Variants in SPTBN1 observed in about 807,000 individuals in gnomAD.
SPTBN1 encodes spectrin beta, non-erythrocytic 1.
Under a neutral mutation model 266.4 loss-of-function variants are expected in SPTBN1, and 32 were observed. The ratio of observed to expected loss-of-function variants is 0.12; its 90% CI spans 0.09 to 0.16. The LOEUF is 0.16. Among genes scored for constraint, SPTBN1 ranks in the 10% least tolerant of loss-of-function variants. The pLI, the probability that SPTBN1 is intolerant of heterozygous loss-of-function variation, is 1.00. For missense variants in SPTBN1, 2,296 were observed against 3,067.1 expected (o/e 0.75, Z 5.94); for synonymous variants, 1,336 against 1,162.2 (o/e 1.15, Z -3.04).
At chr2:54,622,597 C>T (rs1213270740) in intron 9 of SPTBN1, 110 bp downstream of exon 9, 4 of 1,262,880 alleles carry the variant, frequency 3.2e-6, no homozygotes, top group East Asian at 2.4e-5. Flanking sequence ...GAATGCCTTT[C>T]AGTAGTGTGT....
Position 54,477,016 on chromosome 2 carries a change from G to GTT in SPTBN1, c.-48+20507_-48+20508dup, listed in dbSNP as rs11380293. On this transcript the variant is annotated intron_variant, in intron 1 of 35. Transcript: ENST00000356805. Reference sequence around the variant, plus strand: ...TGGACAGATGGTCCAAACACACCGAGTTTTTTTTTTATTGGCTTCAGTGTT... The same window carrying GTT: ...TGGACAGATGGTCCAAACACACCGAGTTTTTTTTTTTTATTGGCTTCAGTGTT... 2.3e-3 allele frequency among the ~76,000 whole-genome samples: 339 copies of GTT among 149,662 alleles called. 3 individuals carry two copies. The highest frequency in any genetic ancestry group is 5.6e-3 in the African/African-American group (228 of 40,880).
At position 54,466,428 on chromosome 2, in the gene SPTBN1, A is replaced by G. The variant is rs940051012; in HGVS notation, c.-48+9910A>G. 3.4e-5 allele frequency among the ~76,000 whole-genome samples: 3 copies of G among 87,330 alleles called. 1 individual carries two copies. The highest frequency in any genetic ancestry group is 3.3e-4 in the South Asian group (1 of 3,074). The allele number at this position is 87,330 out of a possible 152,430, so 57.3% of individuals were successfully genotyped here. A position where few individuals can be genotyped will look rare whatever the true frequency, so the allele number is the denominator to read the frequency against. The stretch of plus-strand genomic sequence containing the variant: ...ATACAAAAAATTAGCCGGGCGTGGT[A>G]GCGGGCGCCTGTAGTCCCAGCTACT... On this transcript the variant is annotated intron_variant, in intron 1 of 35. Transcript: ENST00000356805.
At chr2:54,597,601 A>G (rs1355799834) in intron 2 of SPTBN1, among the ~76,000 whole-genome samples, 1 of 152,106 alleles carries the variant, frequency 6.6e-6, no homozygotes, top group Non-Finnish European at 1.5e-5. Context: ...GCCCCAGCTG[A>G]TTCTCCTGCC....
intron 2 of SPTBN1, among the ~76,000 whole-genome samples, chr2:54,563,140 A>G (rs549754777): frequency 6.6e-6 from 1 of 152,216 alleles, no homozygotes; most frequent in Admixed American, 6.5e-5. Context: ...AGATGTTCAT[A>G]TTTATATATA....
chr2:54,649,655 G>C lies in SPTBN1; in HGVS notation c.5243G>C (p.Gly1748Ala). ...TTCCGGGAGTTTGCCCGAGACACCG[G>C]GAACATTGGGCAGGAGCGCGTGGAC... ...ERFREFARDT[G>A]NIGQERVDTV... The change falls in exon 26 of 36, where the codon GGG becomes GCG. Residue 1748 changes from glycine (G) to alanine (A), a missense_variant. Gly to Ala is a moderately conservative substitution (Grantham distance 60, BLOSUM62 0). Transcript: ENST00000356805. The surrounding 1 kb of genome is among the most constrained non-coding windows in gnomAD (Gnocchi z 6.7). The C allele has an allele frequency of 6.2e-7, 1 of 1,611,814 alleles. No homozygotes were observed. The highest frequency in any genetic ancestry group is 2.2e-5 in the East Asian group (1 of 44,790).
rs190098179 is a variant in SPTBN1, at chr2:54,610,308, C to G, written c.301-1853C>G. The stretch of plus-strand genomic sequence containing the variant: ...CTCCAGCCTTAGATCCTTCACCTTC[C>G]TATGCCTTTAAATTGTCATATGATG... On this transcript the variant is annotated intron_variant, in intron 3 of 35. Transcript: ENST00000356805. Among the ~76,000 whole-genome samples, 4 of 152,350 alleles carry G rather than the reference C, an allele frequency of 2.6e-5. No individual in the cohort carries two copies. In the East Asian group the frequency reaches 5.8e-4, roughly 22 times the overall value.
Position 54,643,168 on chromosome 2 carries a change from A to C in SPTBN1, c.4005+39A>C, listed in dbSNP as rs545478984. On this transcript the variant is annotated intron_variant, in intron 19 of 35. Transcript: ENST00000356805. ...TTTGATGTGGCCATGGTGAGAAAAC[A>C]AACAGGGTAGTAATAAACTCCTTTT... 4.3e-5 allele frequency: 69 copies of C among 1,612,204 alleles called. 1 individual carries two copies. In the Middle Eastern group the frequency reaches 8.3e-4, roughly 19 times the overall value.
At chr2:54,602,909 T>C (rs969212602) in intron 3 of SPTBN1, among the ~76,000 whole-genome samples, 8 of 152,228 alleles carry the variant, frequency 5.3e-5, no homozygotes, top group Non-Finnish European at 1.0e-4. Flanking sequence ...TTTATTGAAA[T>C]AGTGTTTGTG....
intron 2 of SPTBN1, among the ~76,000 whole-genome samples, chr2:54,595,748 C>G (rs1246849779): frequency 1.3e-5 from 2 of 152,146 alleles, no homozygotes; most frequent in African/African-American, 2.4e-5. Context: ...GATTTCTCAA[C>G]CTAGCACCGC....
At chr2:54,463,022 C>G (rs1441412098) in intron 1 of SPTBN1, among the ~76,000 whole-genome samples, 1 of 152,180 alleles carries the variant, frequency 6.6e-6, no homozygotes, top group African/African-American at 2.4e-5. Flanking sequence ...AAACTCATCA[C>G]CTTGGCAGTG....
chr2:54,657,509 A>ACATCAGAT (rs370668449), intron 29 of SPTBN1, among the ~76,000 whole-genome samples: 4 of 152,260 alleles, frequency 2.6e-5, no homozygotes, highest in African/African-American at 9.6e-5. Flanking sequence ...CGTAAAATGC[A>ACATCAGAT]CATCAGATTT....
At chr2:54,657,775 G>A in intron 29 of SPTBN1, 75 bp from the exon 30 acceptor site, 1 of 1,573,622 alleles carries the variant, frequency 6.4e-7, no homozygotes, top group African/African-American at 1.3e-5. Flanking sequence ...GAGGGCAGCA[G>A]TGCCAAGAGG....
intron 18 of SPTBN1, among the ~76,000 whole-genome samples, chr2:54,641,806 A>C (rs745351003): frequency 3.3e-5 from 5 of 152,112 alleles, no homozygotes; most frequent in Non-Finnish European, 5.9e-5. Context: ...CCAAAAAACA[A>C]ATCTCGGGGA....
At chr2:54,572,895 G>T (rs1182417239) in intron 2 of SPTBN1, among the ~76,000 whole-genome samples, 2 of 152,154 alleles carry the variant, frequency 1.3e-5, no homozygotes, top group African/African-American at 4.8e-5. Flanking sequence ...TGAGGGAAGG[G>T]CACTAGAGCA....
Position 54,658,037 on chromosome 2 carries a change from G to A in SPTBN1, c.6234G>A (p.Arg2078=). 1 of 1,614,266 alleles carries A rather than the reference G, an allele frequency of 6.2e-7. No individual in the cohort carries two copies. The highest frequency in any genetic ancestry group is 8.5e-7 in the Non-Finnish European group (1 of 1,180,048). Residue 2078 remains arginine (R), a synonymous_variant, in exon 30 of 36, where the codon AGG becomes AGA. Transcript: ENST00000356805. ...ATGAGAGGTTCTCTGCCCTGGAAAG[G>A]CTGACTACAGTAAGTGGCCGCTGGG... ...TWDERFSALE[R]LTTLELLEVR...
intron 1 of SPTBN1, among the ~76,000 whole-genome samples, chr2:54,468,840 T>C (rs1490869393): frequency 6.6e-6 from 1 of 152,190 alleles, no homozygotes; most frequent in African/African-American, 2.4e-5. Flanking sequence ...TCGGACAACA[T>C]CTGATTTTAC....
intron 3 of SPTBN1, among the ~76,000 whole-genome samples, chr2:54,599,940 T>C (rs1224905465): frequency 6.6e-6 from 1 of 152,210 alleles, no homozygotes; most frequent in African/African-American, 2.4e-5. Flanking sequence ...AGGTTTTGTC[T>C]CACCTTGGTT....
intron 2 of SPTBN1, among the ~76,000 whole-genome samples, chr2:54,585,970 A>T (rs1675263026): frequency 6.6e-6 from 1 of 152,236 alleles, no homozygotes; most frequent in African/African-American, 2.4e-5. Flanking sequence ...TGAGAAGTGA[A>T]ATTTTGAGTT....
At position 54,599,263 on chromosome 2, in the gene SPTBN1, A is replaced by G. The variant is rs760461330; in HGVS notation, c.300+20A>G. ...AGGCTGGTGAGTGGAGACCTTAGGAAGTGCCGTGTGTTGTAGGTGGAAAAT... is the reference window on the plus strand; with the variant it reads ...AGGCTGGTGAGTGGAGACCTTAGGAGGTGCCGTGTGTTGTAGGTGGAAAAT... On this transcript the variant is annotated intron_variant, in intron 3 of 35. Coordinates refer to ENST00000356805, the MANE Select transcript of SPTBN1 (RefSeq NM_003128.3). 3 of 1,612,726 alleles carry G rather than the reference A, an allele frequency of 1.9e-6. No individual in the cohort carries two copies. In the South Asian group the frequency reaches 3.3e-5, roughly 18 times the overall value.
Sources: allele counts gnomAD v4.1 joint callset (sites outside exome capture counted in the v4.1 genomes callset), GRCh38; gene constraint gnomAD v4.1.1; non-coding constraint Gnocchi (gnomAD v3.1); transcripts MANE v1.5; gene names NCBI Gene and HGNC (gene_info 2026-07-23, HGNC 2026-07-21).